TPT1: variants seen among roughly 807,000 people sequenced by gnomAD.
The protein encoded by TPT1 is translationally-controlled tumor protein.
A neutral mutation model predicts 22.8 loss-of-function variants in TPT1; 5 were observed. That is an observed-to-expected ratio of 0.22 (90% CI 0.11 to 0.46). The LOEUF is 0.46. Among genes scored for constraint, TPT1 ranks in the 20% least tolerant of loss-of-function variants. The pLI, the probability that TPT1 is intolerant of heterozygous loss-of-function variation, is 0.99. For missense variants in TPT1, 130 were observed against 218.7 expected (o/e 0.59, Z 2.56); for synonymous variants, 89 against 73.6 (o/e 1.21, Z -1.07).
rs1878659356 is a variant in TPT1, at chr13:45,336,028, T to A, written c.*1358A>T. On this transcript the variant is annotated 3_prime_UTR_variant, in exon 6 of 6. Coordinates refer to ENST00000530705, the MANE Select transcript of TPT1 (RefSeq NM_003295.4). ...GATAGACTATTTCCCAAAACTCACGTTTTGAAAATTCCCCTCCCAGGCTAG... is the reference window on the plus strand; with the variant it reads ...GATAGACTATTTCCCAAAACTCACGATTTGAAAATTCCCCTCCCAGGCTAG... The A allele has an allele frequency of 6.6e-6, 1 of 150,846 alleles. No homozygotes were observed. Among genetic ancestry groups the A allele is most frequent in the Admixed American group, 6.6e-5 (1 of 15,206 alleles). 9.3% of individuals were successfully genotyped at this position (150,846 alleles called of 1,614,324 possible).
rs1215121788 is a variant in TPT1, at chr13:45,341,117, T to C, written c.-48A>G. 2 of 1,607,916 alleles carry C rather than the reference T, an allele frequency of 1.2e-6. No homozygotes were observed. Among genetic ancestry groups the C allele is most frequent in the Admixed American group, 1.7e-5 (1 of 59,336 alleles). ...CGACGGCGCTAGCTTAGCACGAGCC[T>C]GAAACTCGGAGCGAGCGCGGTGCAG... On this transcript the variant is annotated 5_prime_UTR_variant, in exon 1 of 6. Coordinates refer to ENST00000530705, the MANE Select transcript of TPT1 (RefSeq NM_003295.4).
rs183751403 is a variant in TPT1 at position 45,336,014 on chromosome 13, T to G, written c.*1372A>C. 6.6e-6 allele frequency: 1 copy of G among 152,104 alleles called. No homozygotes were observed. The highest frequency in any genetic ancestry group is 2.4e-5 in the African/African-American group (1 of 41,378). The allele number at this position is 152,104 out of a possible 1,614,324, so 9.4% of individuals were successfully genotyped here. A position where few individuals can be genotyped will look rare whatever the true frequency, so the allele number is the denominator to read the frequency against. On this transcript the variant is annotated 3_prime_UTR_variant, in exon 6 of 6. Coordinates refer to ENST00000530705, the MANE Select transcript of TPT1 (RefSeq NM_003295.4). ...AACCAGGTAAGGCTGATAGACTATTTCCCAAAACTCACGTTTTGAAAATTC... is the reference window on the plus strand; with the variant it reads ...AACCAGGTAAGGCTGATAGACTATTGCCCAAAACTCACGTTTTGAAAATTC...
In TPT1 at chr13:45,339,024, C is replaced by A. The variant is rs536856594; in HGVS notation, c.400-248G>T. 1.3e-4 allele frequency: 51 copies of A among 397,966 alleles called. No homozygotes were observed. The South Asian group carries it at 2.8e-3, about 22-fold the overall frequency. 24.7% of individuals were successfully genotyped at this position (397,966 alleles called of 1,614,324 possible). A position where few individuals can be genotyped will look rare whatever the true frequency, so the allele number is the denominator to read the frequency against. Reference sequence around the variant, plus strand: ...TAGGCTTTCAGGAAACCTTTACTCTCAATCCTAAATACAATCCCAAACCCT... The same window carrying A: ...TAGGCTTTCAGGAAACCTTTACTCTAAATCCTAAATACAATCCCAAACCCT... On this transcript the variant is annotated intron_variant, in intron 4 of 5. Coordinates refer to ENST00000530705, the MANE Select transcript of TPT1 (RefSeq NM_003295.4).
chr13:45,340,795 A>T lies in TPT1; in HGVS notation c.29-10T>A. On this transcript the variant is annotated splice_polypyrimidine_tract_variant and intron_variant, in intron 1 of 5. Coordinates refer to ENST00000530705, the MANE Select transcript of TPT1 (RefSeq NM_003295.4). ...GAGAACATCTCATCGTCTGCCGGAT[A>T]CACAGAGCCGCCCATCACCGTGCGC... 2 of 1,513,772 alleles carry T rather than the reference A, an allele frequency of 1.3e-6. No individual in the cohort carries two copies. The highest frequency in any genetic ancestry group is 1.8e-6 in the Non-Finnish European group (2 of 1,132,262). The allele number at this position is 1,513,772 out of a possible 1,614,324, so 93.8% of individuals were successfully genotyped here.
Position 45,339,653 on chromosome 13 carries a change from C to A in TPT1, c.294-51G>T, listed in dbSNP as rs754407523. ...TGAAGTATTGAATTTTCAGTAAAAT[C>A]AATTTTTAAAGTAAAAAATATCCAA... is the stretch of plus-strand genomic sequence containing the variant. On this transcript the variant is annotated intron_variant, in intron 3 of 5. Transcript: ENST00000530705. The A allele has an allele frequency of 4.0e-6, 6 of 1,497,298 alleles. No homozygotes were observed. In the African/African-American group the frequency reaches 8.4e-5, roughly 21 times the overall value. 92.8% of individuals were successfully genotyped at this position (1,497,298 alleles called of 1,614,324 possible).
chr13:45,339,443 G>A, intron 4 of TPT1, 54 bp downstream of exon 4: 3 of 1,482,266 alleles, frequency 2.0e-6, no homozygotes, highest in South Asian at 1.2e-5. Context: ...CTTAATTTTT[G>A]CTCTTGCAGT....
chr13:45,338,789 AC>A lies in TPT1; in HGVS notation c.400-14del, dbSNP rs757568023. 2 of 1,567,564 alleles carry A rather than the reference AC, an allele frequency of 1.3e-6. No homozygotes were observed. The highest frequency in any genetic ancestry group is 1.7e-6 in the Non-Finnish European group (2 of 1,158,050). On this transcript the variant is annotated splice_polypyrimidine_tract_variant and intron_variant, in intron 4 of 5. Coordinates refer to ENST00000530705, the MANE Select transcript of TPT1 (RefSeq NM_003295.4). Reference sequence around the variant, plus strand: ...CACCAATAAAGAACTTGGGAAGCAAACAAAATACCTAGAATTAGACTATTAC... The same window carrying A: ...CACCAATAAAGAACTTGGGAAGCAAAAAAATACCTAGAATTAGACTATTAC...
In TPT1 at chr13:45,337,384, T is replaced by G; in HGVS notation, c.*2A>C. 6.2e-7 allele frequency: 1 copy of G among 1,614,090 alleles called. No individual in the cohort carries two copies. The highest frequency in any genetic ancestry group is 2.2e-5 in the East Asian group (1 of 44,880). On this transcript the variant is annotated 3_prime_UTR_variant, in exon 6 of 6. Coordinates refer to ENST00000530705, the MANE Select transcript of TPT1 (RefSeq NM_003295.4). ...ATAGATCCAAAATAATTGCCACATT[T>G]GTTACTGTAAAAGCAAAAACTACAT...
rs776633766 is a variant in TPT1, at chr13:45,340,517, G to A, written c.102+195C>T. The A allele has an allele frequency of 1.4e-5, 11 of 786,710 alleles. No homozygotes were observed. The South Asian group carries it at 1.6e-4, about 11-fold the overall frequency. The allele number at this position is 786,710 out of a possible 1,614,324, so 48.7% of individuals were successfully genotyped here. A position where few individuals can be genotyped will look rare whatever the true frequency, so the allele number is the denominator to read the frequency against. ...CATGTCCCGGACAACCCCGGGAGGA[G>A]GATGGGCGCCGAGGCGGCGGGCCTA... is the stretch of plus-strand genomic sequence containing the variant. On this transcript the variant is annotated intron_variant, in intron 2 of 5. Transcript: ENST00000530705.
intron 1 of TPT1, 38 bp downstream of exon 1, chr13:45,341,004 C>G: frequency 6.2e-7 from 1 of 1,604,244 alleles, no homozygotes; most frequent in Non-Finnish European, 8.5e-7. Flanking sequence ...CCCCAGACCC[C>G]CGTGTGCGGC....
chr13:45,335,550 TCCCTTCCTGCTATC>T lies in TPT1; in HGVS notation c.*1822_*1835del, dbSNP rs926052542. 3 of 152,190 alleles carry T rather than the reference TCCCTTCCTGCTATC, an allele frequency of 2.0e-5. No individual in the cohort carries two copies. The allele number at this position is 152,190 out of a possible 1,614,324, so 9.4% of individuals were successfully genotyped here. On this transcript the variant is annotated 3_prime_UTR_variant, in exon 6 of 6. Transcript: ENST00000530705. The stretch of plus-strand genomic sequence containing the variant: ...CCAGCTTTGACCACTGCCTGAAAAT[TCCCTTCCTGCTATC>T]ATTTCAGAGGACAAAAGGCCCTGTA...
In TPT1 at chr13:45,340,149, C is replaced by G; in HGVS notation, c.138G>C (p.Ser46=). The G allele has an allele frequency of 3.7e-6, 6 of 1,613,908 alleles. No homozygotes were observed. The highest frequency in any genetic ancestry group is 5.1e-6 in the Non-Finnish European group (6 of 1,179,926). Residue 46 remains serine (S), a synonymous_variant, in exon 3 of 6, where the codon TCG becomes TCC. Transcript: ENST00000530705. Reference sequence around the variant, plus strand: ...CAGCGGAGGCATTTCCACCAATGAGCGAGTCATCAATGTTACCTTCTGTCC... The same window carrying G: ...CAGCGGAGGCATTTCCACCAATGAGGGAGTCATCAATGTTACCTTCTGTCC... The part of the protein sequence containing the change: ...VSRTEGNIDD[S]LIGGNASAEG...
rs1878590807 is a variant in TPT1, at chr13:45,335,162, G to C, written c.*2224C>G. 1 of 152,016 alleles carries C rather than the reference G, an allele frequency of 6.6e-6. No homozygotes were observed. Among genetic ancestry groups the C allele is most frequent in the African/African-American group, 2.4e-5 (1 of 41,386 alleles). 9.4% of individuals were successfully genotyped at this position (152,016 alleles called of 1,614,324 possible). A position where few individuals can be genotyped will look rare whatever the true frequency, so the allele number is the denominator to read the frequency against. On this transcript the variant is annotated 3_prime_UTR_variant, in exon 6 of 6. Coordinates refer to ENST00000530705, the MANE Select transcript of TPT1 (RefSeq NM_003295.4). ...CTTGCCCAAAACGTCTTGACCCTAG[G>C]AATAACGAGAAAAAGATATAAAATG...
rs577796612 is a variant in TPT1, at chr13:45,341,166, G to C, written c.-97C>G. 3 of 1,550,976 alleles carry C rather than the reference G, an allele frequency of 1.9e-6. No homozygotes were observed. The Admixed American group carries it at 5.6e-5, about 29-fold the overall frequency. On this transcript the variant is annotated 5_prime_UTR_variant, in exon 1 of 6. Coordinates refer to ENST00000530705, the MANE Select transcript of TPT1 (RefSeq NM_003295.4). ...AGCCGGAGCGGCGCTCGGGGGGAGG[G>C]GGGAGCGGGCGGAAAAGGCCGACTC...
chr13:45,338,953 TAGTGA>T, intron 4 of TPT1, 177 bp from the exon 5 acceptor site: 1 of 518,174 alleles, frequency 1.9e-6, no homozygotes, highest in Non-Finnish European at 3.3e-6. Flanking sequence ...GGCACCTTAA[TAGTGA>T]CCTAAATAGA....
chr13:45,337,437 A>G, intron 5 of TPT1, 49 bp from the exon 6 acceptor site: 1 of 1,614,180 alleles, frequency 6.2e-7, no homozygotes, highest in Non-Finnish European at 8.5e-7. Context: ...TACACTGCAA[A>G]AGTTACATTA....
At chr13:45,339,770 G>T in intron 3 of TPT1, 168 bp from the exon 4 acceptor site, 1 of 760,228 alleles carries the variant, frequency 1.3e-6, no homozygotes, top group African/African-American at 1.8e-5. Flanking sequence ...TACATTTCTT[G>T]TTGACTATTT....
chr13:45,341,178 GA>G lies in TPT1; in HGVS notation c.-110del, dbSNP rs1879115087. ...GCTCGGGGGGAGGGGGGAGCGGGCG[GA>G]AAAGGCCGACTCAGCCGCTCCCCAA... On this transcript the variant is annotated 5_prime_UTR_variant, in exon 1 of 6. Transcript: ENST00000530705. 1 of 1,461,512 alleles carries G rather than the reference GA, an allele frequency of 6.8e-7. No individual in the cohort carries two copies. The highest frequency in any genetic ancestry group is 9.4e-7 in the Non-Finnish European group (1 of 1,065,712). 90.5% of individuals were successfully genotyped at this position (1,461,512 alleles called of 1,614,324 possible).
intron 2 of TPT1, 171 bp downstream of exon 2, chr13:45,340,541 T>C: frequency 1.1e-6 from 1 of 882,696 alleles, no homozygotes; most frequent in Non-Finnish European, 1.8e-6. Context: ...GCGGCGGGCC[T>C]ATTTCCAGGA....
Sources: gnomAD v4.1 joint callset for allele counts on GRCh38, gnomAD v4.1.1 for gene constraint, MANE v1.5 for transcripts, NCBI Gene and HGNC (gene_info 2026-07-23, HGNC 2026-07-21) for gene names.